The following STXBP5 variants were observed in gnomAD, a reference collection of about 807,000 sequenced individuals.
The protein encoded by STXBP5 is syntaxin-binding protein 5.
Under a neutral mutation model 152.4 loss-of-function variants are expected in STXBP5, and 50 were observed. That is an observed-to-expected ratio of 0.33 (90% CI 0.26 to 0.42). The LOEUF is 0.42. STXBP5 is among the 10% of genes least tolerant of loss of function. The pLI is 1.00. For synonymous variants in STXBP5, 492 were observed against 494.7 expected, an observed-to-expected ratio of 0.99 and a Z score of 0.07; for missense variants, 1,167 against 1,388.6, an observed-to-expected ratio of 0.84 and a Z score of 2.54.
chr6:147,323,965 T>C (rs1261214868), intron 16 of STXBP5, among the ~76,000 whole-genome samples: 2 of 152,176 alleles, frequency 1.3e-5, no homozygotes, highest in African/African-American at 4.8e-5. Flanking sequence ...TCACTTTTAC[T>C]ACACACTCCT....
intron 26 of STXBP5, among the ~76,000 whole-genome samples, chr6:147,380,364 G>GT (rs1035590760): frequency 1.2e-4 from 17 of 142,530 alleles, no homozygotes; most frequent in Non-Finnish European, 1.5e-4. Flanking sequence ...ATGGTCAATT[G>GT]TTTTTTTTTA....
intron 9 of STXBP5, among the ~76,000 whole-genome samples, chr6:147,298,197 A>G (rs929562915): frequency 1.3e-5 from 2 of 152,116 alleles, no homozygotes; most frequent in African/African-American, 4.8e-5. Context: ...GCAGGTTTAT[A>G]AAATATCAGA....
chr6:147,318,198 A>C (rs1782737944), intron 16 of STXBP5, among the ~76,000 whole-genome samples: 2 of 152,150 alleles, frequency 1.3e-5, no homozygotes, highest in African/African-American at 2.4e-5. Flanking sequence ...TCTCATGACA[A>C]GATAGGTCAG....
Position 147,327,913 on chromosome 6 carries a change from T to TTTA in STXBP5, c.2080+640_2080+642dup, listed in dbSNP as rs539755124. Among the ~76,000 whole-genome samples the TTTA allele has an allele frequency of 5.4e-4, 82 of 152,298 alleles. 1 individual carries two copies. The South Asian group carries it at 0.016, about 29-fold the overall frequency. On this transcript the variant is annotated intron_variant, in intron 18 of 27. Coordinates refer to ENST00000321680, the MANE Select transcript of STXBP5 (RefSeq NM_001127715.4). ...TGTTTGGTTTTTGTAAGACCAGTGA[T>TTTA]TTATTGTTTAAACGATTTAATTCAA...
At chr6:147,228,122 A>G (rs1265711720) in intron 2 of STXBP5, among the ~76,000 whole-genome samples, 1 of 151,754 alleles carries the variant, frequency 6.6e-6, no homozygotes, top group Non-Finnish European at 1.5e-5. Context: ...AGTGTTTATT[A>G]GATTCCCTGT....
chr6:147,304,963 A>G (rs1782014625), intron 9 of STXBP5, among the ~76,000 whole-genome samples: 2 of 152,156 alleles, frequency 1.3e-5, no homozygotes, highest in South Asian at 4.1e-4. Context: ...CCAGAGTGTG[A>G]GGGGGTATGA....
At chr6:147,337,076 A>G (rs192880047) in intron 19 of STXBP5, among the ~76,000 whole-genome samples, 59 of 152,130 alleles carry the variant, frequency 3.9e-4, no homozygotes, top group African/African-American at 1.4e-3. Context: ...GAATGAAGGG[A>G]AAGACTTTCA....
At chr6:147,293,079 A>G (rs895460007) in intron 9 of STXBP5, 2 of 152,176 alleles carry the variant, frequency 1.3e-5, no homozygotes, top group Non-Finnish European at 2.9e-5. Context: ...ACAGTTGCCT[A>G]CAATACTTAG....
chr6:147,312,069 A>G (rs1037419989), intron 11 of STXBP5, among the ~76,000 whole-genome samples: 5 of 152,200 alleles, frequency 3.3e-5, no homozygotes, highest in African/African-American at 1.2e-4. Flanking sequence ...ATTCCTTAGG[A>G]AAACAGAACT....
At chr6:147,219,799 GTTTTTTTTTTTTT>G (rs35444906) in intron 2 of STXBP5, among the ~76,000 whole-genome samples, 3 of 86,104 alleles carry the variant, frequency 3.5e-5, no homozygotes, top group East Asian at 3.4e-4. Flanking sequence ...CTAGAAGCTT[GTTTTTTTTTTTTT>G]TTTTTTTTGA....
Position 147,388,988 on chromosome 6 carries a change from A to C in STXBP5, c.*4233A>C, listed in dbSNP as rs1002202133. ...CTTGATCAACATTCTTAGACTTTTT[A>C]ATCTGTATTTACTTTGGGGGGAAAA... On this transcript the variant is annotated 3_prime_UTR_variant, in exon 28 of 28. Coordinates refer to ENST00000321680, the MANE Select transcript of STXBP5 (RefSeq NM_001127715.4). 6.6e-6 allele frequency: 1 copy of C among 151,610 alleles called. No homozygotes were observed. The highest frequency in any genetic ancestry group is 1.9e-4 in the East Asian group (1 of 5,156). 9.4% of individuals were successfully genotyped at this position (151,610 alleles called of 1,614,324 possible).
intron 2 of STXBP5, among the ~76,000 whole-genome samples, chr6:147,213,922 A>G (rs1777027128): frequency 6.6e-6 from 1 of 152,210 alleles, no homozygotes; most frequent in South Asian, 2.1e-4. Flanking sequence ...ATAGTTCTAC[A>G]GAAGTTCTTG....
chr6:147,221,945 T>C (rs1214827584), intron 2 of STXBP5, among the ~76,000 whole-genome samples: 1 of 152,158 alleles, frequency 6.6e-6, no homozygotes, highest in Non-Finnish European at 1.5e-5. Context: ...TTCTGTTTTT[T>C]TCCAGTTTTT....
chr6:147,259,873 A>T (rs1169427002), intron 4 of STXBP5, among the ~76,000 whole-genome samples: 1 of 152,154 alleles, frequency 6.6e-6, no homozygotes, highest in Non-Finnish European at 1.5e-5. Context: ...AAATTAAATG[A>T]GCCAGTATGA....
intron 26 of STXBP5, among the ~76,000 whole-genome samples, chr6:147,375,426 C>T (rs989229429): frequency 6.6e-6 from 1 of 151,780 alleles, no homozygotes; most frequent in African/African-American, 2.4e-5. Context: ...GGCTTAACTA[C>T]AAATTAGACA....
At chr6:147,380,852 G>T (rs757444528) in intron 26 of STXBP5, among the ~76,000 whole-genome samples, 1 of 152,076 alleles carries the variant, frequency 6.6e-6, no homozygotes, top group South Asian at 2.1e-4. Flanking sequence ...TTTTTAGGTG[G>T]ATCTGTGTAT....
intron 25 of STXBP5, among the ~76,000 whole-genome samples, chr6:147,368,047 G>C (rs540560554): frequency 6.6e-6 from 1 of 152,172 alleles, no homozygotes; most frequent in South Asian, 2.1e-4. Flanking sequence ...GAAACTTCCA[G>C]GCCTAGATGG....
At chr6:147,286,581 A>C (rs1780973450) in intron 8 of STXBP5, among the ~76,000 whole-genome samples, 1 of 152,188 alleles carries the variant, frequency 6.6e-6, no homozygotes, top group Non-Finnish European at 1.5e-5. Flanking sequence ...AATTATTAAG[A>C]GGAAAATGTC....
intron 1 of STXBP5, among the ~76,000 whole-genome samples, chr6:147,205,369 T>TGC (rs1420430765): frequency 3.9e-5 from 4 of 103,134 alleles, no homozygotes; most frequent in African/African-American, 1.7e-4. Flanking sequence ...ATTAAAAGTG[T>TGC]GCATATATAT....
Sources: allele counts gnomAD v4.1 joint callset (sites outside exome capture counted in the v4.1 genomes callset), GRCh38; gene constraint gnomAD v4.1.1; transcripts MANE v1.5; gene names NCBI Gene and HGNC (gene_info 2026-07-23, HGNC 2026-07-21).